The following ELMO1 variants were observed in gnomAD, a reference collection of about 807,000 sequenced individuals.
ELMO1 encodes engulfment and cell motility protein 1.
ELMO1 carries 26 observed loss-of-function variants against 98.9 expected under a neutral mutation model. The observed-to-expected ratio is 0.26, with a 90% CI of 0.19 to 0.36. The LOEUF is 0.36. Among genes scored for constraint, ELMO1 ranks in the 10% least tolerant of loss-of-function variants. The pLI, the probability that ELMO1 is intolerant of heterozygous loss-of-function variation, is 1.00. For synonymous variants in ELMO1, 346 were observed against 346.0 expected (o/e 1.00, Z 0.00); for missense variants, 627 against 935.2 (o/e 0.67, Z 4.30).
chr7:37,406,520 C>T (rs537262175), intron 1 of ELMO1, among the ~76,000 whole-genome samples: 1 of 152,182 alleles, frequency 6.6e-6, no homozygotes, highest in Admixed American at 6.5e-5. Context: ...AGCTCCGCCT[C>T]CCGGGTTCAC....
chr7:37,063,791 C>T (rs1796796848), intron 15 of ELMO1, among the ~76,000 whole-genome samples: 1 of 152,124 alleles, frequency 6.6e-6, no homozygotes, highest in Non-Finnish European at 1.5e-5. Flanking sequence ...CACATTGCAA[C>T]ACTCAAGTTT....
intron 1 of ELMO1, among the ~76,000 whole-genome samples, chr7:37,405,075 T>G (rs1803698102): frequency 6.6e-6 from 1 of 152,188 alleles, no homozygotes; most frequent in South Asian, 2.1e-4. Context: ...AGTGGTAATG[T>G]GGGCCACCGG....
chr7:37,017,821 C>T (rs1035664088), intron 15 of ELMO1, among the ~76,000 whole-genome samples: 3 of 151,878 alleles, frequency 2.0e-5, no homozygotes, highest in Non-Finnish European at 4.4e-5. Context: ...TTAAAAAAAA[C>T]CCAAGCAAGC....
chr7:37,109,633 A>G (rs547688614), intron 14 of ELMO1, among the ~76,000 whole-genome samples: 17 of 152,200 alleles, frequency 1.1e-4, no homozygotes, highest in African/African-American at 3.9e-4. Flanking sequence ...GAGTGCAGAA[A>G]AGGAAACTGA....
intron 16 of ELMO1, among the ~76,000 whole-genome samples, chr7:36,959,282 C>T (rs1057217526): frequency 1.3e-5 from 2 of 152,076 alleles, no homozygotes; most frequent in Non-Finnish European, 2.9e-5. Flanking sequence ...CCCTCATTCC[C>T]CTACAGTCTC....
intron 13 of ELMO1, among the ~76,000 whole-genome samples, chr7:37,167,372 C>A (rs189502442): frequency 0.012 from 1,832 of 151,876 alleles, 21 homozygotes; most frequent in South Asian, 0.025. Context: ...TGAATTTGAT[C>A]CTGTCATTAT....
chr7:37,407,729 G>A (rs1803832436), intron 1 of ELMO1, among the ~76,000 whole-genome samples: 1 of 152,138 alleles, frequency 6.6e-6, no homozygotes. Context: ...TCTTTTGTAT[G>A]ACAGAATAAT....
At chr7:36,971,580 T>TGA (rs1789957128) in intron 16 of ELMO1, among the ~76,000 whole-genome samples, 2 of 152,234 alleles carry the variant, frequency 1.3e-5, no homozygotes, top group Non-Finnish European at 2.9e-5. Flanking sequence ...ATCATCCAGA[T>TGA]TCCACTGATT....
intron 15 of ELMO1, among the ~76,000 whole-genome samples, chr7:37,076,035 C>T (rs1215982541): frequency 6.6e-6 from 1 of 152,208 alleles, no homozygotes; most frequent in Admixed American, 6.5e-5. Flanking sequence ...ATTTGTACTA[C>T]ATCCCAGTAC....
intron 16 of ELMO1, among the ~76,000 whole-genome samples, chr7:36,915,241 G>C (rs1784608389): frequency 6.6e-6 from 1 of 152,092 alleles, no homozygotes; most frequent in Non-Finnish European, 1.5e-5. Flanking sequence ...CTAACAAAGT[G>C]GTTTCTTAAA....
At chr7:37,313,264 G>A (rs924662705) in intron 4 of ELMO1, among the ~76,000 whole-genome samples, 7 of 152,104 alleles carry the variant, frequency 4.6e-5, no homozygotes, top group South Asian at 2.1e-4. Context: ...TCGCTCTGTC[G>A]CTCAGGCTGG....
chr7:36,862,577 A>G (rs1369999759), intron 20 of ELMO1, among the ~76,000 whole-genome samples: 1 of 152,244 alleles, frequency 6.6e-6, no homozygotes, highest in Non-Finnish European at 1.5e-5. Context: ...GGGTAAGACG[A>G]TCATTCTAGT....
intron 1 of ELMO1, among the ~76,000 whole-genome samples, chr7:37,441,264 C>A (rs1020783581): frequency 3.3e-5 from 5 of 151,718 alleles, no homozygotes; most frequent in Non-Finnish European, 7.4e-5. Context: ...CATATTTCTA[C>A]GGCACTTAAG....
At chr7:36,894,742 C>T in intron 17 of ELMO1, 112 bp downstream of exon 17, 1 of 1,337,102 alleles carries the variant, frequency 7.5e-7, no homozygotes, top group Non-Finnish European at 1.0e-6. Context: ...ATGTCTTCTG[C>T]TGGCCTTCCC....
chr7:36,995,188 A>G (rs1274346823), intron 16 of ELMO1, among the ~76,000 whole-genome samples: 1 of 152,148 alleles, frequency 6.6e-6, no homozygotes, highest in Non-Finnish European at 1.5e-5. Flanking sequence ...CAAACCCACA[A>G]CCCAACATCA....
chr7:36,938,275 A>G (rs1786722894), intron 16 of ELMO1, among the ~76,000 whole-genome samples: 1 of 152,250 alleles, frequency 6.6e-6, no homozygotes, highest in Non-Finnish European at 1.5e-5. Context: ...ATGAGTAGAA[A>G]AAGCTCCAAG....
intron 16 of ELMO1, among the ~76,000 whole-genome samples, chr7:36,934,377 G>A (rs146271339): frequency 3.3e-5 from 5 of 152,348 alleles, no homozygotes; most frequent in East Asian, 3.9e-4. Context: ...AGCTCTGCAC[G>A]GAGGGAAGAG....
chr7:37,407,683 T>C (rs1342670996), intron 1 of ELMO1, among the ~76,000 whole-genome samples: 1 of 152,104 alleles, frequency 6.6e-6, no homozygotes, highest in African/African-American at 2.4e-5. Context: ...GAGGGATGCA[T>C]TTGTGGACTG....
At chr7:37,401,072 G>T (rs898536780) in intron 1 of ELMO1, among the ~76,000 whole-genome samples, 1 of 152,096 alleles carries the variant, frequency 6.6e-6, no homozygotes, top group African/African-American at 2.4e-5. Context: ...AAACCCCTAG[G>T]AACCCTACAC....
Sources: allele counts gnomAD v4.1 joint callset (sites outside exome capture counted in the v4.1 genomes callset), GRCh38; gene constraint gnomAD v4.1.1; transcripts MANE v1.5; gene names NCBI Gene and HGNC (gene_info 2026-07-23, HGNC 2026-07-21).